Variants in MAPT observed in about 807,000 individuals in gnomAD.
The protein encoded by MAPT is microtubule-associated protein tau.
Under a neutral mutation model 67.9 loss-of-function variants are expected in MAPT, and 34 were observed. The observed-to-expected ratio is 0.50, with a 90% CI of 0.38 to 0.67. The LOEUF (loss-of-function observed/expected upper bound fraction) is 0.67. MAPT is among the 30% of genes least tolerant of loss of function. The probability of loss-of-function intolerance (pLI) is 0.00; values close to 1 mark genes in which losing one functional copy is unlikely to be tolerated. For missense variants in MAPT, 881 were observed against 1,115.2 expected, an observed-to-expected ratio of 0.79 and a Z score of 2.99; for synonymous variants, 456 against 464.5, an observed-to-expected ratio of 0.98 and a Z score of 0.23.
intron 1 of MAPT, among the ~76,000 whole-genome samples, chr17:45,942,232 T>C (rs975944028): frequency 2.0e-5 from 3 of 152,238 alleles, no homozygotes; most frequent in African/African-American, 7.2e-5. Flanking sequence ...TTCTTATGTA[T>C]AAAAATTCTG....
At chr17:46,012,274 C>G (rs2075866768) in intron 10 of MAPT, among the ~76,000 whole-genome samples, 1 of 152,140 alleles carries the variant, frequency 6.6e-6, no homozygotes, top group Non-Finnish European at 1.5e-5. Context: ...GCTGCAGTGC[C>G]CAGGACATCT....
chr17:45,997,780 A>G (rs1425281148), intron 9 of MAPT, among the ~76,000 whole-genome samples: 1 of 151,800 alleles, frequency 6.6e-6, no homozygotes, highest in Admixed American at 6.6e-5. Flanking sequence ...AAAACAAACC[A>G]AAAAAACCCA....
intron 4 of MAPT, chr17:45,979,859 C>T (rs1230945119): frequency 1.3e-5 from 2 of 152,150 alleles, no homozygotes; most frequent in African/African-American, 2.4e-5. Flanking sequence ...CCCAGGTCAC[C>T]GTCTTTGCTG....
At chr17:45,930,131 G>A (rs1005700425) in intron 1 of MAPT, among the ~76,000 whole-genome samples, 5 of 152,150 alleles carry the variant, frequency 3.3e-5, no homozygotes, top group African/African-American at 7.2e-5. Flanking sequence ...TGGGTGCGGT[G>A]GCTCATGCCT....
chr17:45,992,657 G>A (rs2074156003), intron 8 of MAPT, among the ~76,000 whole-genome samples: 1 of 152,170 alleles, frequency 6.6e-6, no homozygotes, highest in South Asian at 2.1e-4. Context: ...GGGAGGCCAA[G>A]GTGGGCGGAT....
Position 46,025,992 on chromosome 17 carries a change from G to C in MAPT, c.*1821G>C, listed in dbSNP as rs1200534427. 2 of 151,188 alleles carry C rather than the reference G, an allele frequency of 1.3e-5. No homozygotes were observed. Among genetic ancestry groups the C allele is most frequent in the Non-Finnish European group, 2.9e-5 (2 of 67,948 alleles). The allele number at this position is 151,188 out of a possible 1,614,324, so 9.4% of individuals were successfully genotyped here. On this transcript the variant is annotated 3_prime_UTR_variant, in exon 13 of 13. Transcript: ENST00000262410. ...GCTGGAGCAGCTGAACATATACATAGATGTTGCCCTGCCCTCCCCATCTGC... is the reference window on the plus strand; with the variant it reads ...GCTGGAGCAGCTGAACATATACATACATGTTGCCCTGCCCTCCCCATCTGC...
At chr17:45,901,167 C>T (rs1285137328) in intron 1 of MAPT, among the ~76,000 whole-genome samples, 1 of 152,198 alleles carries the variant, frequency 6.6e-6, no homozygotes, top group Non-Finnish European at 1.5e-5. Flanking sequence ...CACAGGCAAG[C>T]GGAGATTTGT....
rs557037375 is a variant in MAPT, at chr17:46,024,537, G to A, written c.*366G>A. On this transcript the variant is annotated 3_prime_UTR_variant, in exon 13 of 13. Transcript: ENST00000262410. ...GAGGCTCTGAAAGCTGCTTCTGGGG[G>A]ATTTCAAGGGACTGGGGGTGCCAAC... is the stretch of plus-strand genomic sequence containing the variant. The A allele has an allele frequency of 4.9e-5, 18 of 369,556 alleles. No individual in the cohort carries two copies. The highest frequency in any genetic ancestry group is 1.2e-4 in the Admixed American group (3 of 25,514). 22.9% of individuals were successfully genotyped at this position (369,556 alleles called of 1,614,324 possible).
intron 9 of MAPT, among the ~76,000 whole-genome samples, chr17:46,008,148 G>A (rs939444490): frequency 6.6e-6 from 1 of 152,230 alleles, no homozygotes; most frequent in African/African-American, 2.4e-5. Flanking sequence ...CCAGGCTGGA[G>A]TTCAGTGGCG....
At chr17:45,978,844 A>G (rs938805534) in intron 4 of MAPT, 1 of 168,638 alleles carries the variant, frequency 5.9e-6, no homozygotes, top group Non-Finnish European at 1.3e-5. Flanking sequence ...TCTCACTACA[A>G]ATAAAAAAAT....
chr17:45,976,464 G>GCC (rs2072364342), intron 3 of MAPT: 1 of 152,276 alleles, frequency 6.6e-6, no homozygotes, highest in Non-Finnish European at 1.5e-5. Context: ...TGGTGGGGAG[G>GCC]TTCTAGAGTT....
At chr17:45,959,804 G>A (rs1214098976) in intron 1 of MAPT, among the ~76,000 whole-genome samples, 1 of 151,964 alleles carries the variant, frequency 6.6e-6, no homozygotes, top group Non-Finnish European at 1.5e-5. Flanking sequence ...TATGGACAAA[G>A]TTTTTCAAAA....
rs112874024 is a variant in MAPT, at chr17:45,900,343, G to T, written c.-18+5657G>T. ...GCCACCTCTGCCAGGTTCCCTGCCTGCCCAGATGGCTCCCAACTGAGTGTG... is the reference window on the plus strand; with the variant it reads ...GCCACCTCTGCCAGGTTCCCTGCCTTCCCAGATGGCTCCCAACTGAGTGTG... On this transcript the variant is annotated intron_variant, in intron 1 of 12. Coordinates refer to ENST00000262410, the MANE Select transcript of MAPT (RefSeq NM_001377265.1). Among the ~76,000 whole-genome samples the T allele has an allele frequency of 3.4e-4, 52 of 152,308 alleles. 1 individual carries two copies. Among genetic ancestry groups the T allele is most frequent in the African/African-American group, 1.2e-3 (49 of 41,572 alleles).
intron 9 of MAPT, among the ~76,000 whole-genome samples, chr17:46,007,831 C>T (rs2075555264): frequency 6.6e-6 from 1 of 152,006 alleles, no homozygotes; most frequent in East Asian, 1.9e-4. Context: ...TATTCTAGGA[C>T]TCTGTGTTAT....
At chr17:45,944,192 T>C (rs1828792877) in intron 1 of MAPT, among the ~76,000 whole-genome samples, 1 of 152,152 alleles carries the variant, frequency 6.6e-6, no homozygotes, top group Non-Finnish European at 1.5e-5. Flanking sequence ...ATCCCCATGT[T>C]TCAAATGAAG....
chr17:46,008,655 A>G (rs377127922), intron 9 of MAPT, among the ~76,000 whole-genome samples: 1 of 152,174 alleles, frequency 6.6e-6, no homozygotes, highest in East Asian at 1.9e-4. Context: ...ATTGATTCCT[A>G]TTGAAGATTC....
chr17:45,993,807 T>C, intron 8 of MAPT: 1 of 1,023,072 alleles, frequency 9.8e-7, no homozygotes. Context: ...CCCCTCGACC[T>C]TGTTTCAGAA....
At chr17:45,928,814 GCCT>G (rs1356606227) in intron 1 of MAPT, among the ~76,000 whole-genome samples, 5 of 152,162 alleles carry the variant, frequency 3.3e-5, no homozygotes, top group Admixed American at 2.0e-4. Flanking sequence ...TCCTGCCTCA[GCCT>G]CCTGAGTGGC....
chr17:45,911,776 A>AAAC (rs1568148492), intron 1 of MAPT, among the ~76,000 whole-genome samples: 1 of 141,200 alleles, frequency 7.1e-6, no homozygotes, highest in Non-Finnish European at 1.6e-5. Flanking sequence ...AAAAACAAAC[A>AAAC]AACAACAAAA....
Sources: allele counts gnomAD v4.1 joint callset (sites outside exome capture counted in the v4.1 genomes callset), GRCh38; gene constraint gnomAD v4.1.1; transcripts MANE v1.5; gene names NCBI Gene and HGNC (gene_info 2026-07-23, HGNC 2026-07-21).